Variants in ZNF133 observed in about 807,000 individuals in gnomAD.
ZNF133 encodes the protein zinc finger protein 133 (clone pHZ-13).
A neutral mutation model predicts 54.9 loss-of-function variants in ZNF133; 26 were observed. That is an observed-to-expected ratio of 0.47 (90% confidence interval 0.35 to 0.66). The LOEUF is 0.66. Among genes scored for constraint, ZNF133 ranks in the 30% least tolerant of loss-of-function variants. The pLI is 0.01. For missense variants in ZNF133, 653 were observed against 820.8 expected, an observed-to-expected ratio of 0.80 and a Z score of 2.50; for synonymous variants, 298 against 320.3, an observed-to-expected ratio of 0.93 and a Z score of 0.74.
At chr20:18,303,727 CTG>C (rs1441560023) in intron 3 of ZNF133, among the ~76,000 whole-genome samples, 1 of 152,172 alleles carries the variant, frequency 6.6e-6, no homozygotes, top group Non-Finnish European at 1.5e-5. Context: ...ATTGGGCAAA[CTG>C]TATATTTATA....
chr20:18,297,350 A>C (rs2042431432), intron 1 of ZNF133, among the ~76,000 whole-genome samples: 1 of 151,950 alleles, frequency 6.6e-6, no homozygotes, highest in East Asian at 1.9e-4. Flanking sequence ...TTTCTTTCAA[A>C]AGTTTGTTGA....
intron 6 of ZNF133, among the ~76,000 whole-genome samples, chr20:18,309,132 C>A (rs751860147): frequency 3.3e-5 from 5 of 152,172 alleles, no homozygotes; most frequent in Non-Finnish European, 5.9e-5. Flanking sequence ...TAAAAGGACA[C>A]CAGCCCCATT....
chr20:18,301,700 A>G (rs1170188558), intron 3 of ZNF133, among the ~76,000 whole-genome samples: 1 of 152,052 alleles, frequency 6.6e-6, no homozygotes, highest in African/African-American at 2.4e-5. Context: ...ACCTATCAAG[A>G]CTGAATCATA....
intron 3 of ZNF133, among the ~76,000 whole-genome samples, chr20:18,304,018 A>T (rs2044037313): frequency 6.6e-6 from 1 of 152,214 alleles, no homozygotes; most frequent in Non-Finnish European, 1.5e-5. Context: ...CTGATAAGGG[A>T]TTAATATTTA....
chr20:18,301,098 C>T (rs2043270732), intron 3 of ZNF133, among the ~76,000 whole-genome samples: 1 of 152,040 alleles, frequency 6.6e-6, no homozygotes, highest in South Asian at 2.1e-4. Flanking sequence ...TCTACCACAA[C>T]AAGATGAAGA....
rs2044206677 is a variant in ZNF133, at chr20:18,304,679, C to T, written c.-177-329C>T. 2.6e-5 allele frequency among the ~76,000 whole-genome samples: 4 copies of T among 152,180 alleles called. No homozygotes were observed. The South Asian group carries it at 8.3e-4, about 31-fold the overall frequency. On this transcript the variant is annotated intron_variant, in intron 3 of 6. Coordinates refer to ENST00000425686, the MANE Select transcript of ZNF133 (RefSeq NM_001352452.2). Reference sequence around the variant, plus strand: ...TTATTGTAGCTACATAGAATAACCACATATATAATGGAGACAGAAAGCAAA... The same window carrying T: ...TTATTGTAGCTACATAGAATAACCATATATATAATGGAGACAGAAAGCAAA...
Position 18,315,460 on chromosome 20 carries a change from G to A in ZNF133, c.609G>A (p.Leu203=). The part of the protein sequence containing the change: ...SGNPEETDKL[L]KRIEVLGFGT... ...ACCCTGAGGAAACAGACAAATTGTTGAAGAGGATAGAAGTCTTAGGATTTG... is the reference window on the plus strand; with the variant it reads ...ACCCTGAGGAAACAGACAAATTGTTAAAGAGGATAGAAGTCTTAGGATTTG... Residue 203 remains leucine (L), a synonymous_variant, in exon 7 of 7, where the codon TTG becomes TTA. Coordinates refer to ENST00000425686, the MANE Select transcript of ZNF133 (RefSeq NM_001352452.2). 2 of 1,614,192 alleles carry A rather than the reference G, an allele frequency of 1.2e-6. No individual in the cohort carries two copies. Among genetic ancestry groups the A allele is most frequent in the East Asian group, 2.2e-5 (1 of 44,876 alleles).
At chr20:18,290,729 T>G (rs182085385) in intron 1 of ZNF133, among the ~76,000 whole-genome samples, 27 of 152,292 alleles carry the variant, frequency 1.8e-4, no homozygotes, top group African/African-American at 6.5e-4. Flanking sequence ...CTCCTCCTAT[T>G]TCTTCTGATC....
chr20:18,305,923 A>G lies in ZNF133; in HGVS notation c.121+116A>G, dbSNP rs2044463885. On this transcript the variant is annotated intron_variant, in intron 5 of 6. Transcript: ENST00000425686. This position sits in a 1 kb window ranked among gnomAD's most constrained non-coding sequence, Gnocchi z 4.7. ...TTGGGTTGGACCAAAAAGCAACTAC[A>G]TTTTATTCGTGTTTCCCCAGGGAGG... 7.4e-7 allele frequency: 1 copy of G among 1,342,300 alleles called. No individual in the cohort carries two copies. Among genetic ancestry groups the G allele is most frequent in the Non-Finnish European group, 1.0e-6 (1 of 989,456 alleles). The allele number at this position is 1,342,300 out of a possible 1,614,324, so 83.1% of individuals were successfully genotyped here. A position where few individuals can be genotyped will look rare whatever the true frequency, so the allele number is the denominator to read the frequency against.
At chr20:18,303,151 A>G (rs900861556) in intron 3 of ZNF133, among the ~76,000 whole-genome samples, 1 of 151,878 alleles carries the variant, frequency 6.6e-6, no homozygotes, top group South Asian at 2.1e-4. Context: ...GGTTCAAGCA[A>G]TTCTCCTGCC....
intron 3 of ZNF133, among the ~76,000 whole-genome samples, chr20:18,299,871 T>C (rs2043019156): frequency 1.3e-5 from 2 of 152,168 alleles, no homozygotes; most frequent in Non-Finnish European, 2.9e-5. Context: ...CCTTCATTAC[T>C]GAGGCAGAAA....
In ZNF133 at chr20:18,315,948, G is replaced by C. The variant is rs772095724; in HGVS notation, c.1097G>C (p.Arg366Thr). The C allele has an allele frequency of 6.2e-7, 1 of 1,610,008 alleles. No homozygotes were observed. Among genetic ancestry groups the C allele is most frequent in the Admixed American group, 1.7e-5 (1 of 59,642 alleles). ...GACTGTGGCCTGGGCTTCAGCGACA[G>C]GTCAAACCTCATCTCCCACCAGAGG... ...CSDCGLGFSD[R>T]SNLISHQRTH... The change falls in exon 7 of 7, where the codon AGG becomes ACG. Residue 366 changes from arginine to threonine, a missense_variant. By Grantham distance (71) the Arg-to-Thr change is moderately conservative (BLOSUM62 -1). Around this residue, in one of 4 missense-constraint regions of ZNF133, gnomAD observed 292 missense variants for 431.6 expected, o/e 0.68. Coordinates refer to ENST00000425686, the MANE Select transcript of ZNF133 (RefSeq NM_001352452.2).
chr20:18,311,604 G>C (rs569560963), intron 6 of ZNF133, among the ~76,000 whole-genome samples: 1 of 152,086 alleles, frequency 6.6e-6, no homozygotes, highest in East Asian at 1.9e-4. Context: ...ATTAACATAA[G>C]GCTGATCTCA....
At position 18,316,664 on chromosome 20, in the gene ZNF133, C is replaced by G; in HGVS notation, c.1813C>G (p.Pro605Ala). Residue 605 changes from proline to alanine, a missense_variant, in exon 7 of 7, where the codon CCA (proline) becomes GCA (alanine). Physicochemically the swap from Pro to Ala is conservative, Grantham distance 27. Coordinates refer to ENST00000425686, the MANE Select transcript of ZNF133 (RefSeq NM_001352452.2). ...LHQMTHTGEK[P>A]YVCKTCGRGF... ...TCAAATGACACATACGGGGGAGAAG[C>G]CATATGTGTGCAAGACGTGTGGGCG... The G allele has an allele frequency of 6.2e-7, 1 of 1,614,144 alleles. No homozygotes were observed. The highest frequency in any genetic ancestry group is 8.5e-7 in the Non-Finnish European group (1 of 1,180,044).
chr20:18,296,246 C>G (rs1253810523), intron 1 of ZNF133, among the ~76,000 whole-genome samples: 1 of 152,164 alleles, frequency 6.6e-6, no homozygotes, highest in African/African-American at 2.4e-5. Context: ...TTTCCCCTAT[C>G]CTGTCTTGCT....
At chr20:18,298,197 TTC>T (rs2042623318) in intron 2 of ZNF133, 90 bp from the exon 3 acceptor site, 9 of 1,512,756 alleles carry the variant, frequency 5.9e-6, no homozygotes, top group Non-Finnish European at 7.9e-6. Context: ...CAGCATCACT[TTC>T]TGCAAAACCC....
Position 18,316,794 on chromosome 20 carries a change from C to T in ZNF133, c.1943C>T (p.Ser648Leu), listed in dbSNP as rs148089989. The T allele has an allele frequency of 4.3e-6, 7 of 1,612,518 alleles. No individual in the cohort carries two copies. The highest frequency in any genetic ancestry group is 2.7e-5 in the African/African-American group (2 of 75,054). Reference protein sequence around the residue: ...PDPEPCAGQPSDSLYSL With the variant: ...PDPEPCAGQPLDSLYSL The stretch of plus-strand genomic sequence containing the variant: ...CCTGAGCCGTGTGCAGGGCAACCTT[C>T]GGATTCCTTATACTCTCTCTGAAGG... The change falls in exon 7 of 7, where the codon TCG becomes TTG. Residue 648 changes from serine to leucine, a missense_variant. Coordinates refer to ENST00000425686, the MANE Select transcript of ZNF133 (RefSeq NM_001352452.2).
intron 6 of ZNF133, among the ~76,000 whole-genome samples, chr20:18,308,954 A>C (rs1189548750): frequency 6.6e-6 from 1 of 152,178 alleles, no homozygotes; most frequent in Non-Finnish European, 1.5e-5. Flanking sequence ...TAAACAACAG[A>C]AATTCATTTA....
chr20:18,305,327 C>A lies in ZNF133; in HGVS notation c.-7+149C>A. Reference sequence around the variant, plus strand: ...TGAGGAATTACTGAGTTATAGTGGACTATTTGATCTTTTAAATTCTTAAAA... The same window carrying A: ...TGAGGAATTACTGAGTTATAGTGGAATATTTGATCTTTTAAATTCTTAAAA... On this transcript the variant is annotated intron_variant, in intron 4 of 6. Transcript: ENST00000425686. The surrounding 1 kb of genome is among the most constrained non-coding windows in gnomAD (Gnocchi z 4.7). 1.9e-6 allele frequency: 1 copy of A among 527,244 alleles called. No homozygotes were observed. The highest frequency in any genetic ancestry group is 2.6e-6 in the Non-Finnish European group (1 of 389,236). 32.7% of individuals were successfully genotyped at this position (527,244 alleles called of 1,614,324 possible).
Sources: allele counts gnomAD v4.1 joint callset (sites outside exome capture counted in the v4.1 genomes callset), GRCh38; gene constraint gnomAD v4.1.1; regional missense constraint gnomAD v4.1.1; non-coding constraint Gnocchi (gnomAD v3.1); transcripts MANE v1.5; gene names NCBI Gene and HGNC (gene_info 2026-07-23, HGNC 2026-07-21).